SLC7A8: variants seen among roughly 807,000 people sequenced by gnomAD.
SLC7A8 encodes the protein large neutral amino acids transporter small subunit 2.
A neutral mutation model predicts 51.2 loss-of-function variants in SLC7A8; 30 were observed. The observed-to-expected ratio is 0.59, with a 90% CI of 0.44 to 0.80. The LOEUF is 0.80. SLC7A8 is among the 30% of genes least tolerant of loss of function. The probability of loss-of-function intolerance (pLI) is 0.00; values close to 1 mark genes in which losing one functional copy is unlikely to be tolerated. For missense variants in SLC7A8, 612 were observed against 674.4 expected (o/e 0.91, Z 1.03); for synonymous variants, 257 against 275.8 (o/e 0.93, Z 0.67).
chr14:23,140,395 C>T, intron 5 of SLC7A8, 76 bp downstream of exon 5: 1 of 1,473,372 alleles, frequency 6.8e-7, no homozygotes, highest in Non-Finnish European at 9.2e-7. Flanking sequence ...GGGCAATGGA[C>T]ACCTGCTCCC....
intron 3 of SLC7A8, among the ~76,000 whole-genome samples, chr14:23,163,643 G>C (rs752316010): frequency 5.3e-5 from 8 of 152,144 alleles, no homozygotes; most frequent in African/African-American, 1.2e-4. Context: ...AAAGTGTCAG[G>C]ACCTGGGAAA....
Position 23,126,912 on chromosome 14 carries a change from G to A in SLC7A8, c.*265C>T. 1 of 507,202 alleles carries A rather than the reference G, an allele frequency of 2.0e-6. No individual in the cohort carries two copies. Among genetic ancestry groups the A allele is most frequent in the Non-Finnish European group, 3.6e-6 (1 of 281,656 alleles). The allele number at this position is 507,202 out of a possible 1,614,324, so 31.4% of individuals were successfully genotyped here. A position where few individuals can be genotyped will look rare whatever the true frequency, so the allele number is the denominator to read the frequency against. On this transcript the variant is annotated 3_prime_UTR_variant, in exon 11 of 11. Transcript: ENST00000316902. ...GAGGGAGGTCCTGCAGGGCACCTTG[G>A]CATCTCCCCTCTCCTCCAGCAGCTG...
intron 3 of SLC7A8, among the ~76,000 whole-genome samples, chr14:23,153,642 C>A (rs2048866641): frequency 6.6e-6 from 1 of 152,106 alleles, no homozygotes; most frequent in South Asian, 2.1e-4. Context: ...GCTCCCAGGG[C>A]TTTAGAAAGT....
At chr14:23,170,129 C>G (rs1795615085) in intron 1 of SLC7A8, among the ~76,000 whole-genome samples, 1 of 152,190 alleles carries the variant, frequency 6.6e-6, no homozygotes, top group Admixed American at 6.5e-5. Context: ...GAGGGCAGGT[C>G]ATATCATTCC....
intron 3 of SLC7A8, among the ~76,000 whole-genome samples, chr14:23,158,220 C>G (rs2048903972): frequency 1.3e-5 from 2 of 152,168 alleles, no homozygotes; most frequent in South Asian, 2.1e-4. Context: ...TAACATTTCC[C>G]AAGAGTCCCA....
chr14:23,154,346 G>C (rs1016082616), intron 3 of SLC7A8: 2 of 1,000,020 alleles, frequency 2.0e-6, no homozygotes, highest in Non-Finnish European at 2.4e-6. Context: ...AGCAAAAGGG[G>C]TGAGGCATGT....
intron 4 of SLC7A8, among the ~76,000 whole-genome samples, chr14:23,142,480 A>G (rs941189049): frequency 2.0e-5 from 3 of 152,122 alleles, no homozygotes; most frequent in Non-Finnish European, 4.4e-5. Context: ...GACAATAGGA[A>G]TCTAGAGATC....
intron 3 of SLC7A8, chr14:23,155,447 C>T: frequency 7.0e-7 from 1 of 1,433,266 alleles, no homozygotes. Context: ...GGGGTTTCTG[C>T]TGAATCACCA....
chr14:23,131,967 G>A (rs1459334622), intron 7 of SLC7A8, among the ~76,000 whole-genome samples: 2 of 150,748 alleles, frequency 1.3e-5, no homozygotes, highest in Non-Finnish European at 3.0e-5. Context: ...CACTGGGACT[G>A]AACTGCATAT....
Position 23,165,197 on chromosome 14 carries a change from G to A in SLC7A8, c.508+88C>T. Reference sequence around the variant, plus strand: ...CATGCGGCTGCGCTCCAGCCTGAGTGACAGAGTGAAGACTCTGTTTCTAAA... The same window carrying A: ...CATGCGGCTGCGCTCCAGCCTGAGTAACAGAGTGAAGACTCTGTTTCTAAA... On this transcript the variant is annotated intron_variant, in intron 3 of 10. Coordinates refer to ENST00000316902, the MANE Select transcript of SLC7A8 (RefSeq NM_012244.4). The surrounding 1 kb of genome is among the most constrained non-coding windows in gnomAD (Gnocchi z 4.2). 1.5e-6 allele frequency: 2 copies of A among 1,305,426 alleles called. No homozygotes were observed. Among genetic ancestry groups the A allele is most frequent in the Non-Finnish European group, 2.0e-6 (2 of 986,310 alleles). The allele number at this position is 1,305,426 out of a possible 1,614,324, so 80.9% of individuals were successfully genotyped here. A position where few individuals can be genotyped will look rare whatever the true frequency, so the allele number is the denominator to read the frequency against.
Position 23,126,994 on chromosome 14 carries a change from G to T in SLC7A8, c.*183C>A. On this transcript the variant is annotated 3_prime_UTR_variant, in exon 11 of 11. Coordinates refer to ENST00000316902, the MANE Select transcript of SLC7A8 (RefSeq NM_012244.4). Reference sequence around the variant, plus strand: ...GACATGGACCCTGGGGTGAGAGGCTGGTTCTTTGGGTATGAATGTCAGTTT... The same window carrying T: ...GACATGGACCCTGGGGTGAGAGGCTTGTTCTTTGGGTATGAATGTCAGTTT... 1.4e-6 allele frequency: 1 copy of T among 702,340 alleles called. No individual in the cohort carries two copies. Among genetic ancestry groups the T allele is most frequent in the Non-Finnish European group, 2.4e-6 (1 of 422,092 alleles). 43.5% of individuals were successfully genotyped at this position (702,340 alleles called of 1,614,324 possible).
intron 3 of SLC7A8, among the ~76,000 whole-genome samples, chr14:23,158,892 A>C (rs994970143): frequency 1.3e-5 from 2 of 152,106 alleles, no homozygotes; most frequent in Non-Finnish European, 2.9e-5. Flanking sequence ...CTCTGCTTCA[A>C]GTTTCAGTCT....
At chr14:23,127,986 C>G (rs2048594388) in intron 10 of SLC7A8, 33 bp downstream of exon 10, 1 of 1,595,972 alleles carries the variant, frequency 6.3e-7, no homozygotes. Flanking sequence ...GCCCAGGAGG[C>G]CCTGAAGCCA....
intron 1 of SLC7A8, among the ~76,000 whole-genome samples, chr14:23,174,404 G>C (rs1436933140): frequency 6.6e-6 from 1 of 152,230 alleles, no homozygotes; most frequent in East Asian, 1.9e-4. Context: ...TCCACCTTCA[G>C]ACATTGTGAA....
chr14:23,136,978 T>A (rs562293786), intron 7 of SLC7A8, among the ~76,000 whole-genome samples: 1 of 152,314 alleles, frequency 6.6e-6, no homozygotes, highest in Non-Finnish European at 1.5e-5. Context: ...CACTCCCTTG[T>A]TATTTCACAG....
Position 23,154,093 on chromosome 14 carries a change from G to A in SLC7A8, c.509-10889C>T, listed in dbSNP as rs956638684. On this transcript the variant is annotated intron_variant, in intron 3 of 10. Coordinates refer to ENST00000316902, the MANE Select transcript of SLC7A8 (RefSeq NM_012244.4). ...GATGGAATGTACTAAGCAGACGGTT[G>A]CTGAAAAAGGAAGCAGTGACGCCAC... Among the ~76,000 whole-genome samples, 6 of 152,318 alleles carry A rather than the reference G, an allele frequency of 3.9e-5. No individual in the cohort carries two copies. The South Asian group carries it at 1.2e-3, about 32-fold the overall frequency.
At chr14:23,152,223 G>A (rs955689482) in intron 3 of SLC7A8, among the ~76,000 whole-genome samples, 1 of 152,008 alleles carries the variant, frequency 6.6e-6, no homozygotes, top group Non-Finnish European at 1.5e-5. Context: ...TCTGCCTCCT[G>A]GGCTCAAGCA....
chr14:23,127,559 C>T (rs1448976342), intron 10 of SLC7A8, among the ~76,000 whole-genome samples: 1 of 152,246 alleles, frequency 6.6e-6, no homozygotes. Context: ...CTTCCCTGTG[C>T]CCACTGACCC....
Position 23,157,552 on chromosome 14 carries a change from C to G in SLC7A8, c.508+7733G>C, listed in dbSNP as rs148977993. 2.6e-3 allele frequency among the ~76,000 whole-genome samples: 390 copies of G among 152,286 alleles called. 4 individuals carry two copies. Among genetic ancestry groups the G allele is most frequent in the African/African-American group, 9.0e-3 (373 of 41,558 alleles). ...GCTTTTCATGATGGGGTCCTTGCTT[C>G]TATTATATATTTCTTGCCTCCTAGT... On this transcript the variant is annotated intron_variant, in intron 3 of 10. Coordinates refer to ENST00000316902, the MANE Select transcript of SLC7A8 (RefSeq NM_012244.4).
Sources: allele counts gnomAD v4.1 joint callset (sites outside exome capture counted in the v4.1 genomes callset), GRCh38; gene constraint gnomAD v4.1.1; non-coding constraint Gnocchi (gnomAD v3.1); transcripts MANE v1.5; gene names NCBI Gene and HGNC (gene_info 2026-07-23, HGNC 2026-07-21).